RPS6KC1: variants seen among roughly 807,000 people sequenced by gnomAD.
The protein encoded by RPS6KC1 is ribosomal protein S6 kinase C1.
Under a neutral mutation model 103.8 loss-of-function variants are expected in RPS6KC1, and 54 were observed. The ratio of observed to expected loss-of-function variants is 0.52; its 90% CI spans 0.42 to 0.65. RPS6KC1 has a LOEUF of 0.65. RPS6KC1 is among the 30% of genes least tolerant of loss of function. RPS6KC1 has a pLI of 0.00. For synonymous variants in RPS6KC1, 439 were observed against 438.7 expected (o/e 1.00, Z -0.01); for missense variants, 1,151 against 1,253.8 (o/e 0.92, Z 1.24).
At chr1:213,442,614 CA>C in the RPS6KC1 span, among the ~76,000 whole-genome samples, 3 of 152,186 alleles carry the variant, frequency 2.0e-5, no homozygotes, top group East Asian at 5.8e-4. Context: ...TTAACTACTA[CA>C]ATGTACATAT....
the RPS6KC1 span, among the ~76,000 whole-genome samples, chr1:213,808,636 C>G: frequency 6.6e-6 from 1 of 152,222 alleles, no homozygotes; most frequent in Non-Finnish European, 1.5e-5. Flanking sequence ...ATTGGAAAAG[C>G]GCAGTATTTG....
Position 213,219,543 on chromosome 1 carries a change from T to G in RPS6KC1, c.1045-10954T>G, listed in dbSNP as rs2093767392. ...CAAAGGATTATAACACATGCTGCTA[T>G]AAAGACACATGCACACGTATGTTTA... is the stretch of plus-strand genomic sequence containing the variant. On this transcript the variant is annotated intron_variant, in intron 8 of 14. Coordinates refer to ENST00000366960, the MANE Select transcript of RPS6KC1 (RefSeq NM_012424.6). Among the ~76,000 whole-genome samples, 3 of 152,192 alleles carry G rather than the reference T, an allele frequency of 2.0e-5. 1 individual carries two copies. The South Asian group carries it at 6.2e-4, about 31-fold the overall frequency.
chr1:213,174,235 CACAG>C (rs1221848414), intron 7 of RPS6KC1, among the ~76,000 whole-genome samples: 1 of 152,118 alleles, frequency 6.6e-6, no homozygotes, highest in Non-Finnish European at 1.5e-5. Context: ...TCTTCCTGAC[CACAG>C]ACAAACACTC....
intron 8 of RPS6KC1, among the ~76,000 whole-genome samples, chr1:213,189,025 A>G (rs1393196573): frequency 6.6e-6 from 1 of 152,218 alleles, no homozygotes; most frequent in African/African-American, 2.4e-5. Context: ...AGAGAACAGC[A>G]TACAAAATGT....
At chr1:213,508,528 G>A in the RPS6KC1 span, among the ~76,000 whole-genome samples, 1 of 152,146 alleles carries the variant, frequency 6.6e-6, no homozygotes, top group Non-Finnish European at 1.5e-5. Context: ...CCAGTAAGGG[G>A]TTTGTGTGTG....
the RPS6KC1 span, among the ~76,000 whole-genome samples, chr1:213,363,073 G>T: frequency 6.6e-6 from 1 of 152,106 alleles, no homozygotes; most frequent in African/African-American, 2.4e-5. Context: ...AGCATCATCT[G>T]GTCATCAGAG....
the RPS6KC1 span, among the ~76,000 whole-genome samples, chr1:213,745,613 C>T: frequency 6.6e-6 from 1 of 151,954 alleles, no homozygotes; most frequent in Non-Finnish European, 1.5e-5. Flanking sequence ...CCACCTCTGT[C>T]CCCCAGGGAA....
At chr1:213,114,822 T>G (rs1308494203) in intron 4 of RPS6KC1, among the ~76,000 whole-genome samples, 1 of 152,252 alleles carries the variant, frequency 6.6e-6, no homozygotes, top group Non-Finnish European at 1.5e-5. Flanking sequence ...ATGTGGTTTT[T>G]GTGTTTGGTT....
At chr1:213,405,067 G>C in the RPS6KC1 span, among the ~76,000 whole-genome samples, 73 of 152,344 alleles carry the variant, frequency 4.8e-4, no homozygotes, top group African/African-American at 1.8e-3. Context: ...GGAAAAGTGA[G>C]GGGGAGGAGA....
chr1:213,272,507 A>G lies in RPS6KC1; in HGVS notation c.3091-17A>G, dbSNP rs751201005. 6 of 1,599,054 alleles carry G rather than the reference A, an allele frequency of 3.8e-6. No homozygotes were observed. The South Asian group carries it at 6.6e-5, about 18-fold the overall frequency. ...CCAGTTGGATTCCTGTTACTCACTAAGTCCGTCTTTTTTTAGCTCTTGCAG... is the reference window on the plus strand; with the variant it reads ...CCAGTTGGATTCCTGTTACTCACTAGGTCCGTCTTTTTTTAGCTCTTGCAG... On this transcript the variant is annotated splice_polypyrimidine_tract_variant and intron_variant, in intron 14 of 14. Transcript: ENST00000366960.
At chr1:213,406,101 G>A in the RPS6KC1 span, among the ~76,000 whole-genome samples, 3 of 152,182 alleles carry the variant, frequency 2.0e-5, no homozygotes, top group Non-Finnish European at 2.9e-5. Context: ...AAAAGCTGAC[G>A]CAGATGGAGG....
chr1:213,463,010 C>T, the RPS6KC1 span, among the ~76,000 whole-genome samples: 1 of 152,230 alleles, frequency 6.6e-6, no homozygotes, highest in African/African-American at 2.4e-5. Flanking sequence ...TAGGCCACCA[C>T]TGAATTAAAC....
At chr1:213,711,705 T>C in the RPS6KC1 span, among the ~76,000 whole-genome samples, 1 of 152,212 alleles carries the variant, frequency 6.6e-6, no homozygotes, top group South Asian at 2.1e-4. Context: ...TGCATGGTCG[T>C]CCTTTTTGTT....
the RPS6KC1 span, among the ~76,000 whole-genome samples, chr1:213,839,090 T>C: frequency 6.6e-6 from 1 of 152,194 alleles, no homozygotes; most frequent in African/African-American, 2.4e-5. Flanking sequence ...CCTGATATCA[T>C]GTAACTTTTA....
chr1:213,716,963 C>T, the RPS6KC1 span, among the ~76,000 whole-genome samples: 1 of 152,100 alleles, frequency 6.6e-6, no homozygotes, highest in African/African-American at 2.4e-5. Context: ...CTAATTATGG[C>T]AGAGATAAGA....
the RPS6KC1 span, among the ~76,000 whole-genome samples, chr1:213,631,961 T>C: frequency 6.6e-6 from 1 of 152,184 alleles, no homozygotes; most frequent in African/African-American, 2.4e-5. Flanking sequence ...TCTCCATCAT[T>C]GTAGTGTTGT....
chr1:213,167,439 A>AAAACACAC lies in RPS6KC1; in HGVS notation c.836-418_836-417insAACACACA, dbSNP rs552454495. ...TTTTTAGAAAAAAACCAAGGTTGAA[A>AAAACACAC]ACACACACACACACACACACACACA... On this transcript the variant is annotated intron_variant, in intron 6 of 14. Transcript: ENST00000366960. Among the ~76,000 whole-genome samples, 3 of 75,990 alleles carry AAAACACAC rather than the reference A, an allele frequency of 3.9e-5. No homozygotes were observed. The East Asian group carries it at 1.0e-3, about 26-fold the overall frequency. The allele number at this position is 75,990 out of a possible 152,430, so 49.9% of individuals were successfully genotyped here. A position where few individuals can be genotyped will look rare whatever the true frequency, so the allele number is the denominator to read the frequency against.
At chr1:213,113,694 T>C (rs563017676) in intron 4 of RPS6KC1, among the ~76,000 whole-genome samples, 1 of 151,710 alleles carries the variant, frequency 6.6e-6, no homozygotes, top group East Asian at 1.9e-4. Context: ...TGGTTTTAGG[T>C]CTAACGTTTA....
At chr1:213,620,651 CAT>C in the RPS6KC1 span, among the ~76,000 whole-genome samples, 3 of 152,236 alleles carry the variant, frequency 2.0e-5, no homozygotes, top group East Asian at 1.9e-4. Context: ...CAATTCACCA[CAT>C]AGACACTAAT....
Sources: gnomAD v4.1 joint callset for allele counts (sites outside exome capture counted in the v4.1 genomes callset) on GRCh38, gnomAD v4.1.1 for gene constraint, MANE v1.5 for transcripts, NCBI Gene and HGNC (gene_info 2026-07-23, HGNC 2026-07-21) for gene names.